RGS8: variants seen among roughly 807,000 people sequenced by gnomAD.
RGS8 encodes the protein regulator of G-protein signaling 8.
Under a neutral mutation model 21.7 loss-of-function variants are expected in RGS8, and 8 were observed. That is an observed-to-expected ratio of 0.37 (90% CI 0.22 to 0.66). RGS8 has a LOEUF of 0.66. RGS8 is among the 30% of genes least tolerant of loss of function. The pLI is 0.59. For missense variants in RGS8, 157 were observed against 217.9 expected (o/e 0.72, Z 1.76); for synonymous variants, 80 against 83.6 (o/e 0.96, Z 0.24).
the RGS8 span, among the ~76,000 whole-genome samples, chr1:182,744,493 C>A: frequency 6.6e-6 from 1 of 152,200 alleles, no homozygotes; most frequent in South Asian, 2.1e-4. Context: ...CATTAGACTG[C>A]ATATAAGATG....
the RGS8 span, among the ~76,000 whole-genome samples, chr1:182,710,003 T>C: frequency 6.6e-6 from 1 of 152,190 alleles, no homozygotes; most frequent in Non-Finnish European, 1.5e-5. Flanking sequence ...TTTTCCATCC[T>C]TGTTTCACTA....
chr1:182,691,009 C>T, the RGS8 span, among the ~76,000 whole-genome samples: 2 of 152,190 alleles, frequency 1.3e-5, no homozygotes, highest in Non-Finnish European at 2.9e-5. Context: ...GATCCAGTCC[C>T]CTGTATTGTA....
At chr1:182,726,422 G>T in the RGS8 span, among the ~76,000 whole-genome samples, 1 of 152,192 alleles carries the variant, frequency 6.6e-6, no homozygotes, top group Non-Finnish European at 1.5e-5. Context: ...TGTAATCCCA[G>T]TACTTTGGGA....
rs191220213 is a variant in RGS8 at position 182,655,901 on chromosome 1, G to A, written c.194-7598C>T. 8.5e-5 allele frequency among the ~76,000 whole-genome samples: 13 copies of A among 152,208 alleles called. No individual in the cohort carries two copies. The East Asian group carries it at 1.5e-3, about 18-fold the overall frequency. ...ACATTAACTCAATCCTTACATCAAC[G>A]CTCCTAAGCAGACAGAGGCTCTGGC... is the stretch of plus-strand genomic sequence containing the variant. On this transcript the variant is annotated intron_variant, in intron 5 of 6. Coordinates refer to ENST00000483095, the Ensembl canonical transcript of RGS8.
chr1:182,745,725 G>A, the RGS8 span, among the ~76,000 whole-genome samples: 1 of 152,184 alleles, frequency 6.6e-6, no homozygotes, highest in African/African-American at 2.4e-5. Context: ...CACGAACTAA[G>A]TTCTTAGAAT....
the RGS8 span, among the ~76,000 whole-genome samples, chr1:182,717,798 C>T: frequency 1.3e-5 from 2 of 152,142 alleles, no homozygotes; most frequent in East Asian, 3.8e-4. Flanking sequence ...ACTGGTATGT[C>T]CTCAATCCCT....
At chr1:182,728,250 C>T in the RGS8 span, among the ~76,000 whole-genome samples, 1 of 152,166 alleles carries the variant, frequency 6.6e-6, no homozygotes, top group Non-Finnish European at 1.5e-5. Flanking sequence ...CAAAGCCAAG[C>T]TTCAGTGCAT....
Position 182,684,041 on chromosome 1 carries a change from C to A in RGS8, n.221+315G>T, listed in dbSNP as rs966671517. ...GAGCTGAGGGAAGAAACAGGATCAC[C>A]TTTGAGGAGAAAGCAGGTGTTAGGG... On this transcript the variant is annotated intron_variant and non_coding_transcript_variant, in intron 1 of 4. Transcript: ENST00000515211. The surrounding 1 kb of genome is among the most constrained non-coding windows in gnomAD (Gnocchi z 4.2). 6.6e-6 allele frequency among the ~76,000 whole-genome samples: 1 copy of A among 152,182 alleles called. No individual in the cohort carries two copies. Among genetic ancestry groups the A allele is most frequent in the Non-Finnish European group, 1.5e-5 (1 of 68,030 alleles).
chr1:182,726,330 T>C, the RGS8 span, among the ~76,000 whole-genome samples: 1 of 152,232 alleles, frequency 6.6e-6, no homozygotes, highest in East Asian at 1.9e-4. Flanking sequence ...GGAGTAGAGA[T>C]AGGTCTATGC....
the RGS8 span, among the ~76,000 whole-genome samples, chr1:182,720,952 T>TAC: frequency 1.9e-4 from 12 of 64,244 alleles, 1 homozygote; most frequent in South Asian, 5.0e-4. Flanking sequence ...TATACATATA[T>TAC]ACATACATAT....
chr1:182,722,523 C>G, the RGS8 span, among the ~76,000 whole-genome samples: 2 of 152,146 alleles, frequency 1.3e-5, no homozygotes. Flanking sequence ...TTCCCTGTGC[C>G]TGGTGGCTCT....
upstream of RGS8, among the ~76,000 whole-genome samples, chr1:182,675,217 C>T (rs1664315936): frequency 6.6e-6 from 1 of 152,210 alleles, no homozygotes; most frequent in Non-Finnish European, 1.5e-5. Context: ...TAAGCCTAAC[C>T]CTAACCCCAA....
At chr1:182,656,594 T>C (rs923925570) in intron 5 of RGS8, among the ~76,000 whole-genome samples, 1 of 152,202 alleles carries the variant, frequency 6.6e-6, no homozygotes, top group African/African-American at 2.4e-5. Flanking sequence ...CTTGTAAAGA[T>C]GCCATGTTCT....
the RGS8 span, among the ~76,000 whole-genome samples, chr1:182,703,290 C>T: frequency 6.6e-6 from 1 of 152,134 alleles, no homozygotes; most frequent in Non-Finnish European, 1.5e-5. Context: ...CAGAACCTTC[C>T]CTGGAGGCTG....
chr1:182,662,476 G>A (rs990577755), intron 5 of RGS8, among the ~76,000 whole-genome samples: 2 of 152,146 alleles, frequency 1.3e-5, no homozygotes, highest in Admixed American at 6.6e-5. Flanking sequence ...ATCCTATCCC[G>A]ATCATCCAGA....
At chr1:182,654,530 A>G (rs1663172629) in intron 5 of RGS8, among the ~76,000 whole-genome samples, 1 of 152,222 alleles carries the variant, frequency 6.6e-6, no homozygotes, top group African/African-American at 2.4e-5. Flanking sequence ...TACGGCACAA[A>G]CACATGAGAT....
chr1:182,642,292 T>C (rs1418684323), downstream of RGS8: 1 of 152,210 alleles, frequency 6.6e-6, no homozygotes, highest in Admixed American at 6.5e-5. Context: ...CAGGGAGACT[T>C]TGCCACCTCT....
chr1:182,658,420 G>A (rs1037636273), intron 5 of RGS8: 1 of 152,198 alleles, frequency 6.6e-6, no homozygotes, highest in Admixed American at 6.5e-5. Context: ...TTTATTTTAA[G>A]TTCTCTATTT....
intron 5 of RGS8, among the ~76,000 whole-genome samples, chr1:182,662,163 G>A (rs1207028886): frequency 6.6e-6 from 1 of 152,158 alleles, no homozygotes; most frequent in Non-Finnish European, 1.5e-5. Context: ...TTAAAAAATA[G>A]CAAAGTTGCT....
Sources: allele counts gnomAD v4.1 joint callset (sites outside exome capture counted in the v4.1 genomes callset), GRCh38; gene constraint gnomAD v4.1.1; non-coding constraint Gnocchi (gnomAD v3.1); transcripts MANE v1.5; gene names NCBI Gene and HGNC (gene_info 2026-07-23, HGNC 2026-07-21).